The following INSYN2B variants were observed in gnomAD, a reference collection of about 807,000 sequenced individuals.
INSYN2B encodes the protein inhibitory synaptic factor family member 2B, also known as protein INSYN2B.
Under a neutral mutation model 41.2 loss-of-function variants are expected in INSYN2B, and 16 were observed. The observed-to-expected ratio is 0.39, with a 90% CI of 0.26 to 0.59. INSYN2B has a LOEUF of 0.59. Ranked by LOEUF, INSYN2B falls within the 20% of genes least tolerant of loss-of-function variation. INSYN2B has a pLI of 0.57. For synonymous variants in INSYN2B, 245 were observed against 244.4 expected (o/e 1.00, Z -0.02); for missense variants, 608 against 646.4 (o/e 0.94, Z 0.64).
At chr5:169,951,653 C>G (rs570950398) in intron 1 of INSYN2B, among the ~76,000 whole-genome samples, 2 of 152,204 alleles carry the variant, frequency 1.3e-5, no homozygotes, top group African/African-American at 4.8e-5. Flanking sequence ...TGATGAGGGT[C>G]CAGAGTATGT....
In INSYN2B at chr5:169,942,729, C is replaced by T. The variant is rs563331934; in HGVS notation, c.-919+37548G>A. 6.6e-5 allele frequency among the ~76,000 whole-genome samples: 10 copies of T among 152,202 alleles called. No individual in the cohort carries two copies. In the South Asian group the frequency reaches 1.7e-3, roughly 25 times the overall value. On this transcript the variant is annotated intron_variant, in intron 1 of 3. Transcript: ENST00000377365. Reference sequence around the variant, plus strand: ...CACAGCTCCTGCCCTCCACATTGGTCGGAGAGACCACGAGGGTTCAGGAAA... The same window carrying T: ...CACAGCTCCTGCCCTCCACATTGGTTGGAGAGACCACGAGGGTTCAGGAAA...
At chr5:169,874,518 G>A (rs1274305302) in intron 3 of INSYN2B, among the ~76,000 whole-genome samples, 1 of 151,906 alleles carries the variant, frequency 6.6e-6, no homozygotes, top group African/African-American at 2.4e-5. Flanking sequence ...CTTCATGCAT[G>A]GTCCTTGGTT....
At chr5:169,873,586 C>T (rs957025896) in intron 3 of INSYN2B, among the ~76,000 whole-genome samples, 1 of 152,184 alleles carries the variant, frequency 6.6e-6, no homozygotes, top group Admixed American at 6.5e-5. Flanking sequence ...AGACAAGGTT[C>T]TCAAGAGTTC....
intron 3 of INSYN2B, among the ~76,000 whole-genome samples, chr5:169,869,251 C>T (rs1001590845): frequency 6.6e-6 from 1 of 152,154 alleles, no homozygotes; most frequent in Non-Finnish European, 1.5e-5. Flanking sequence ...CTTTATGTTT[C>T]TATGGAAACA....
At chr5:169,916,542 TGTG>T (rs1256730182) in intron 1 of INSYN2B, among the ~76,000 whole-genome samples, 1 of 152,242 alleles carries the variant, frequency 6.6e-6, no homozygotes, top group African/African-American at 2.4e-5. Flanking sequence ...GCAACCTTCC[TGTG>T]CCTCCCTTAT....
rs1458050120 is a variant in INSYN2B at position 169,883,405 on chromosome 5, T to C, written c.494A>G (p.Lys165Arg). ...QHLEDGPRRVKVSHAFLPRVP... is the reference protein window; with the variant it reads ...QHLEDGPRRVRVSHAFLPRVP... ...CCTTGGGAGGAATGCATGGGACACC[T>C]TGACCCTTCGAGGCCCATCCTCAAG... Residue 165 changes from lysine to arginine, a missense_variant, in exon 2 of 4, where the codon AAG becomes AGG. Transcript: ENST00000377365. 5 of 1,551,706 alleles carry C rather than the reference T, an allele frequency of 3.2e-6. No individual in the cohort carries two copies. The South Asian group carries it at 5.9e-5, about 18-fold the overall frequency.
intron 1 of INSYN2B, among the ~76,000 whole-genome samples, chr5:169,932,587 A>G (rs1459027941): frequency 6.6e-6 from 1 of 152,152 alleles, no homozygotes; most frequent in Non-Finnish European, 1.5e-5. Context: ...GACGCTTGAC[A>G]CTGACCACAA....
chr5:169,917,097 T>A (rs1290510182), intron 1 of INSYN2B, among the ~76,000 whole-genome samples: 1 of 152,228 alleles, frequency 6.6e-6, no homozygotes, highest in African/African-American at 2.4e-5. Flanking sequence ...TGACGTATGA[T>A]CAAGCCACCA....
At chr5:169,909,557 T>C (rs1774477798) in intron 1 of INSYN2B, among the ~76,000 whole-genome samples, 2 of 152,340 alleles carry the variant, frequency 1.3e-5, no homozygotes, top group African/African-American at 4.8e-5. Flanking sequence ...AAGGTGAGTA[T>C]TATTATCTGC....
chr5:169,927,522 C>G (rs1775523460), intron 1 of INSYN2B, among the ~76,000 whole-genome samples: 1 of 152,124 alleles, frequency 6.6e-6, no homozygotes, highest in Non-Finnish European at 1.5e-5. Context: ...ATTTGCAGGA[C>G]TTAGTAACTG....
At chr5:169,970,977 C>A (rs1174652609) in intron 1 of INSYN2B, among the ~76,000 whole-genome samples, 1 of 151,932 alleles carries the variant, frequency 6.6e-6, no homozygotes, top group Non-Finnish European at 1.5e-5. Flanking sequence ...CTCTCCAAGA[C>A]AGGGGAGGGT....
chr5:169,883,741 T>G lies in INSYN2B; in HGVS notation c.158A>C (p.Glu53Ala). ...GTTKNPTGLA[E>A]VDVQTPEDPA... ...GTCTTCTGGAGTTTGGACGTCAACC[T>G]CAGCTAGGCCAGTTGGATTCTTAGT... Residue 53 changes from glutamate to alanine, a missense_variant, in exon 2 of 4, where the codon GAG becomes GCG. Transcript: ENST00000377365. The G allele has an allele frequency of 6.4e-7, 1 of 1,551,620 alleles. No individual in the cohort carries two copies. Among genetic ancestry groups the G allele is most frequent in the Non-Finnish European group, 8.7e-7 (1 of 1,146,946 alleles).
chr5:169,922,631 C>T (rs1013567324), intron 1 of INSYN2B, among the ~76,000 whole-genome samples: 1 of 152,200 alleles, frequency 6.6e-6, no homozygotes, highest in Non-Finnish European at 1.5e-5. Flanking sequence ...GGAGTTACCT[C>T]ATTTAACAGA....
At position 169,862,787 on chromosome 5, in the gene INSYN2B, C is replaced by CT. The variant is rs554296005; in HGVS notation, c.*1485_*1486insA. Among the ~76,000 whole-genome samples the CT allele has an allele frequency of 4.4e-4, 67 of 152,306 alleles. 2 individuals carry two copies. The highest frequency in any genetic ancestry group is 3.4e-3 in the Middle Eastern group (1 of 294). ...CTATGACAGGGGAAGGTGAAACCAT[C>CT]GGAGTGGTTTGCTCAATTAGGCTCA... On this transcript the variant is annotated 3_prime_UTR_variant, in exon 4 of 4. Coordinates refer to ENST00000377365, the MANE Select transcript of INSYN2B (RefSeq NM_001129891.3).
chr5:169,873,934 G>A (rs1772144583), intron 3 of INSYN2B, among the ~76,000 whole-genome samples: 1 of 152,188 alleles, frequency 6.6e-6, no homozygotes, highest in African/African-American at 2.4e-5. Context: ...GCTTTGGCCT[G>A]CATTCCAGGG....
intron 1 of INSYN2B, among the ~76,000 whole-genome samples, chr5:169,972,318 C>A (rs749818578): frequency 6.6e-6 from 1 of 152,082 alleles, no homozygotes. Flanking sequence ...GTATCTTCCC[C>A]TTTATGGATC....
At chr5:169,951,492 T>C (rs1313305933) in intron 1 of INSYN2B, among the ~76,000 whole-genome samples, 1 of 152,230 alleles carries the variant, frequency 6.6e-6, no homozygotes, top group Non-Finnish European at 1.5e-5. Flanking sequence ...ACTCAGAGCC[T>C]GCTGTGTGCT....
chr5:169,919,285 C>T (rs1775046737), intron 1 of INSYN2B, among the ~76,000 whole-genome samples: 2 of 152,330 alleles, frequency 1.3e-5, no homozygotes, highest in Middle Eastern at 6.8e-3. Flanking sequence ...AAATGAGTCT[C>T]CTGACACCCA....
rs1026760749 is a variant in INSYN2B, at chr5:169,883,697, T to C, written c.202A>G (p.Thr68Ala). The C allele has an allele frequency of 5.8e-6, 9 of 1,551,034 alleles. No individual in the cohort carries two copies. The African/African-American group carries it at 1.2e-4, about 21-fold the overall frequency. ...TPEDPAVMGK[T>A]QATRHHLPPT... The stretch of plus-strand genomic sequence containing the variant: ...GGAAGATGGTGCCTGGTTGCTTGAG[T>C]CTTCCCCATCACAGCCGGGTCTTCT... Residue 68 changes from threonine to alanine, a missense_variant, in exon 2 of 4, where the codon ACT (threonine) becomes GCT (alanine). Coordinates refer to ENST00000377365, the MANE Select transcript of INSYN2B (RefSeq NM_001129891.3).
Sources: gnomAD v4.1 joint callset for allele counts (sites outside exome capture counted in the v4.1 genomes callset) on GRCh38, gnomAD v4.1.1 for gene constraint, MANE v1.5 for transcripts, NCBI Gene and HGNC (gene_info 2026-07-23, HGNC 2026-07-21) for gene names.